Variants in MTA3 observed in about 807,000 individuals in gnomAD.
MTA3 encodes metastasis associated 1 family member 3.
Under a neutral mutation model 83.5 loss-of-function variants are expected in MTA3, and 34 were observed. That is an observed-to-expected ratio of 0.41 (90% CI 0.31 to 0.54). MTA3 has a LOEUF of 0.54. Ranked by LOEUF, MTA3 falls within the 20% of genes least tolerant of loss-of-function variation. MTA3 has a pLI of 0.33. For synonymous variants in MTA3, 303 were observed against 252.7 expected (o/e 1.20, Z -1.89); for missense variants, 761 against 726.4 (o/e 1.05, Z -0.55).
At chr2:42,564,776 C>G (rs1269728349), upstream of MTA3, among the ~76,000 whole-genome samples, 2 of 152,082 alleles carry the variant, frequency 1.3e-5, no homozygotes, top group Non-Finnish European at 2.9e-5. Context: ...GCACCAATCT[C>G]TTTTAATTTA....
chr2:42,707,448 C>T (rs13423805), intron 12 of MTA3, among the ~76,000 whole-genome samples: 34,102 of 151,912 alleles, frequency 0.22, 3,964 homozygotes, highest in South Asian at 0.35. Flanking sequence ...GGGGTTTCAC[C>T]GTGTTAGCCA....
intron 4 of MTA3, among the ~76,000 whole-genome samples, chr2:42,638,777 AC>A (rs1687426345): frequency 6.6e-6 from 1 of 151,668 alleles, no homozygotes; most frequent in East Asian, 1.9e-4. Context: ...CTTTATAAAC[AC>A]TTCCAGTAAC....
rs1401003960 is a variant in MTA3 at position 42,690,675 on chromosome 2, ATTTAAT to A, written c.892-5086_892-5081del. The stretch of plus-strand genomic sequence containing the variant: ...ATTATGGGGTACATGAAATTTTTTA[ATTTAAT>A]TTTTTTTTTTTTTTTGGAGACAGAG... On this transcript the variant is annotated intron_variant, in intron 9 of 16. Coordinates refer to ENST00000405094, the MANE Select transcript of MTA3 (RefSeq NM_001330442.2). Among the ~76,000 whole-genome samples the A allele has an allele frequency of 7.1e-5, 9 of 127,226 alleles. No homozygotes were observed. The East Asian group carries it at 2.1e-3, about 30-fold the overall frequency. 83.5% of individuals were successfully genotyped at this position (127,226 alleles called of 152,430 possible).
At chr2:42,683,849 T>C (rs1359892234) in intron 9 of MTA3, among the ~76,000 whole-genome samples, 1 of 152,174 alleles carries the variant, frequency 6.6e-6, no homozygotes, top group East Asian at 1.9e-4. Context: ...CAACACCTGC[T>C]GTGCAGCCCA....
chr2:42,688,748 C>T (rs1002319462), intron 9 of MTA3, among the ~76,000 whole-genome samples: 1 of 151,638 alleles, frequency 6.6e-6, no homozygotes, highest in African/African-American at 2.4e-5. Flanking sequence ...CATAGACAGT[C>T]ATGCTGTCTG....
At chr2:42,643,138 ACT>A (rs550926084) in intron 5 of MTA3, among the ~76,000 whole-genome samples, 69 of 149,666 alleles carry the variant, frequency 4.6e-4, no homozygotes, top group African/African-American at 1.5e-3. Context: ...GGTTGGAATA[ACT>A]CTGTTTTTTT....
chr2:42,708,899 C>T lies in MTA3; in HGVS notation c.1328C>T (p.Ser443Phe). Residue 443 changes from serine (S) to phenylalanine (F), a missense_variant, in exon 14 of 17, where the codon TCC becomes TTC. Physicochemically the swap from Ser to Phe is radical, Grantham distance 155 (BLOSUM62 -2). Transcript: ENST00000405094. ...TEDPRVRSHV[S>F]RQAMQGMPVR... is the part of the protein sequence containing the mutation. ...GACCCTCGTGTTAGAAGTCACGTGTCCCGCCAGGCCATGCAGGGAATGCCA... is the reference window on the plus strand; with the variant it reads ...GACCCTCGTGTTAGAAGTCACGTGTTCCGCCAGGCCATGCAGGGAATGCCA... 1 of 1,613,950 alleles carries T rather than the reference C, an allele frequency of 6.2e-7. No homozygotes were observed. Among genetic ancestry groups the T allele is most frequent in the Non-Finnish European group, 8.5e-7 (1 of 1,179,884 alleles).
At chr2:42,634,526 T>C (rs140491166) in intron 4 of MTA3, among the ~76,000 whole-genome samples, 3 of 152,170 alleles carry the variant, frequency 2.0e-5, no homozygotes, top group Admixed American at 6.6e-5. Context: ...CTCACTATCA[T>C]GAAACTGCCC....
intron 16 of MTA3, among the ~76,000 whole-genome samples, chr2:42,746,711 T>C (rs1311088727): frequency 6.6e-6 from 1 of 152,240 alleles, no homozygotes; most frequent in Non-Finnish European, 1.5e-5. Flanking sequence ...TTTACCTGTC[T>C]ATTATGAAGG....
chr2:42,582,380 G>C (rs989936611), intron 3 of MTA3, among the ~76,000 whole-genome samples: 1 of 152,146 alleles, frequency 6.6e-6, no homozygotes, highest in Non-Finnish European at 1.5e-5. Context: ...CCTTTTTTAA[G>C]TTTATGTTGT....
chr2:42,580,184 T>C (rs1450403394), intron 3 of MTA3, among the ~76,000 whole-genome samples: 4 of 151,312 alleles, frequency 2.6e-5, no homozygotes. Flanking sequence ...TGGGCTCAAG[T>C]GATCCTCCTA....
chr2:42,624,005 G>C (rs925909948), intron 4 of MTA3, among the ~76,000 whole-genome samples: 1 of 151,910 alleles, frequency 6.6e-6, no homozygotes, highest in African/African-American at 2.4e-5. Flanking sequence ...GAGCCACTTC[G>C]CCCGGTCTGG....
chr2:42,549,538 A>G (rs1303848046), intron 2 of MTA3, among the ~76,000 whole-genome samples: 2 of 110,600 alleles, frequency 1.8e-5, no homozygotes, highest in Admixed American at 1.3e-4. Context: ...TAATATACAT[A>G]TATTACATAA....
At chr2:42,587,480 TAAAATACATACAAA>T (rs1680480063) in intron 3 of MTA3, among the ~76,000 whole-genome samples, 1 of 152,198 alleles carries the variant, frequency 6.6e-6, no homozygotes, top group Admixed American at 6.5e-5. Flanking sequence ...GTGTATGAAA[TAAAATACATACAAA>T]AATGTATACA....
At chr2:42,506,301 A>C (rs1674624694) in intron 2 of MTA3, among the ~76,000 whole-genome samples, 1 of 151,704 alleles carries the variant, frequency 6.6e-6, no homozygotes, top group South Asian at 2.1e-4. Context: ...TTTTTTAGAA[A>C]TTATCTGCAT....
intron 4 of MTA3, among the ~76,000 whole-genome samples, chr2:42,638,912 G>A (rs1033821576): frequency 3.3e-5 from 5 of 150,368 alleles, no homozygotes; most frequent in Non-Finnish European, 7.4e-5. Flanking sequence ...TTAATTTAAA[G>A]AGTATATAGT....
In MTA3 at chr2:42,695,012, A is replaced by G. The variant is rs185237909; in HGVS notation, c.892-753A>G. 1.8e-4 allele frequency among the ~76,000 whole-genome samples: 28 copies of G among 152,124 alleles called. No individual in the cohort carries two copies. In the East Asian group the frequency reaches 4.5e-3, roughly 24 times the overall value. On this transcript the variant is annotated intron_variant, in intron 9 of 16. Coordinates refer to ENST00000405094, the MANE Select transcript of MTA3 (RefSeq NM_001330442.2). ...AAGAATTAGCCGGGCATGGTGTCAC[A>G]CCTATAGTCCCAGCTGAGGAGGCTG...
At chr2:42,749,027 G>T (rs1669659251) in intron 16 of MTA3, among the ~76,000 whole-genome samples, 2 of 152,194 alleles carry the variant, frequency 1.3e-5, no homozygotes, top group Non-Finnish European at 2.9e-5. Context: ...CTCAGCACTG[G>T]ACAGCTCTTG....
At chr2:42,646,513 G>C (rs6544582) in intron 6 of MTA3, among the ~76,000 whole-genome samples, 119,561 of 152,178 alleles carry the variant, frequency 0.79, 47,910 homozygotes, top group African/African-American at 0.94. Flanking sequence ...TTAACATTAA[G>C]AGGAGTTTAG....
Sources: gnomAD v4.1 joint callset for allele counts (sites outside exome capture counted in the v4.1 genomes callset) on GRCh38, gnomAD v4.1.1 for gene constraint, MANE v1.5 for transcripts, NCBI Gene and HGNC (gene_info 2026-07-23, HGNC 2026-07-21) for gene names.